The following ZFP1 variants were observed in gnomAD, a reference collection of about 807,000 sequenced individuals.
ZFP1 encodes the protein ZFP1 zinc finger protein.
Under a neutral mutation model 38.5 loss-of-function variants are expected in ZFP1, and 32 were observed. The observed-to-expected ratio is 0.83, with a 90% confidence interval of 0.63 to 1.12. The LOEUF is 1.12. Among genes scored for constraint, ZFP1 ranks in the 50% most tolerant of loss-of-function variants. ZFP1 has a pLI of 0.00. For synonymous variants in ZFP1, 245 were observed against 168.8 expected (o/e 1.45, Z -3.50); for missense variants, 616 against 480.8 (o/e 1.28, Z -2.63).
At chr16:75,136,388 G>T in the ZFP1 span, among the ~76,000 whole-genome samples, 1 of 152,310 alleles carries the variant, frequency 6.6e-6, no homozygotes, top group Admixed American at 6.5e-5. Context: ...GGCTATACAT[G>T]TATACTGGAA....
Position 75,166,972 on chromosome 16 carries a change from C to T in ZFP1, c.142+76C>T. On this transcript the variant is annotated intron_variant, in intron 3 of 3. Coordinates refer to ENST00000570010, the MANE Select transcript of ZFP1 (RefSeq NM_153688.4). ...TCCTGTCTCAGTGACCAGAAATGAG[C>T]TTCTGAATTACTAAATGTTTTTGGC... The T allele has an allele frequency of 2.6e-6, 4 of 1,539,546 alleles. No individual in the cohort carries two copies. The Admixed American group carries it at 6.3e-5, about 24-fold the overall frequency.
At chr16:75,134,612 C>T in the ZFP1 span, among the ~76,000 whole-genome samples, 1 of 151,612 alleles carries the variant, frequency 6.6e-6, no homozygotes, top group African/African-American at 2.4e-5. Context: ...ATTAGCCAGG[C>T]GTGGTGGCGG....
the ZFP1 span, among the ~76,000 whole-genome samples, chr16:75,128,878 C>A: frequency 2.6e-5 from 4 of 152,208 alleles, no homozygotes; most frequent in Non-Finnish European, 5.9e-5. Context: ...GCAACCTCCG[C>A]CTCCGGGGTT....
the ZFP1 span, among the ~76,000 whole-genome samples, chr16:75,128,321 T>TA: frequency 1.3e-5 from 2 of 152,218 alleles, no homozygotes. Context: ...AAAAAAGTCT[T>TA]ATCTGAGATT....
At position 75,170,179 on chromosome 16, in the gene ZFP1, T is replaced by A; in HGVS notation, c.1069T>A (p.Cys357Ser). 6.2e-7 allele frequency: 1 copy of A among 1,614,116 alleles called. No individual in the cohort carries two copies. Among genetic ancestry groups the A allele is most frequent in the East Asian group, 2.2e-5 (1 of 44,874 alleles). ...AGAGAAACCCTATGAATGTACTGAG[T>A]GCGGCAAAACTTTCAGCCAGAGGTC... ...TGEKPYECTECGKTFSQRSTL... is the reference protein window; with the variant it reads ...TGEKPYECTESGKTFSQRSTL... Residue 357 changes from cysteine (C) to serine (S), a missense_variant, in exon 4 of 4, where the codon TGC (cysteine) becomes AGC (serine). Transcript: ENST00000570010.
chr16:75,164,632 G>T (rs1004495234), intron 2 of ZFP1, among the ~76,000 whole-genome samples: 2 of 151,974 alleles, frequency 1.3e-5, no homozygotes, highest in African/African-American at 4.8e-5. Context: ...ATTCTAGATC[G>T]GGGGTGTCAA....
At chr16:75,164,712 A>G (rs1302111798) in intron 2 of ZFP1, among the ~76,000 whole-genome samples, 2 of 152,108 alleles carry the variant, frequency 1.3e-5, no homozygotes, top group East Asian at 1.9e-4. Context: ...AATGGTTTTT[A>G]ATTTTAATGG....
chr16:75,161,365 G>A (rs559514799), intron 2 of ZFP1, among the ~76,000 whole-genome samples: 1 of 151,652 alleles, frequency 6.6e-6, no homozygotes, highest in African/African-American at 2.4e-5. Flanking sequence ...CACTGCGCCC[G>A]GCCAACAACA....
chr16:75,159,645 G>A (rs1455821392), intron 2 of ZFP1, among the ~76,000 whole-genome samples: 1 of 151,574 alleles, frequency 6.6e-6, no homozygotes, highest in African/African-American at 2.4e-5. Flanking sequence ...GGCTCAATTT[G>A]TCCACCTGCC....
chr16:75,146,831 T>C (rs1466768388), upstream of ZFP1, among the ~76,000 whole-genome samples: 1 of 151,376 alleles, frequency 6.6e-6, no homozygotes, highest in East Asian at 1.9e-4. Flanking sequence ...TTTTAGCTAC[T>C]TGGGAGGCTG....
At chr16:75,122,605 C>A in the ZFP1 span, among the ~76,000 whole-genome samples, 10 of 152,338 alleles carry the variant, frequency 6.6e-5, no homozygotes, top group East Asian at 1.5e-3. Context: ...TTTAACAAAT[C>A]TTTAATAAAT....
chr16:75,125,613 G>A, the ZFP1 span, among the ~76,000 whole-genome samples: 549 of 152,154 alleles, frequency 3.6e-3, 3 homozygotes, highest in South Asian at 6.9e-3. Flanking sequence ...CTGAGCCACC[G>A]TGCCCAGCTG....
At chr16:75,133,820 G>A in the ZFP1 span, among the ~76,000 whole-genome samples, 2 of 152,108 alleles carry the variant, frequency 1.3e-5, no homozygotes. Flanking sequence ...AGGCTGAGGC[G>A]GGTGGATCAC....
chr16:75,132,607 T>C, the ZFP1 span: 42 of 151,508 alleles, frequency 2.8e-4, no homozygotes, highest in African/African-American at 9.2e-4. Context: ...TATGGAGCAT[T>C]CAAAATGTGG....
the ZFP1 span, among the ~76,000 whole-genome samples, chr16:75,123,412 C>T: frequency 2.7e-5 from 3 of 111,974 alleles, no homozygotes; most frequent in Admixed American, 9.7e-5. Flanking sequence ...TGTTTTCCTA[C>T]AAATATATAT....
the ZFP1 span, among the ~76,000 whole-genome samples, chr16:75,134,726 G>A: frequency 6.9e-6 from 1 of 144,320 alleles, no homozygotes; most frequent in Non-Finnish European, 1.5e-5. Context: ...ACTCCAGCCT[G>A]GGCAACACAG....
At chr16:75,165,330 C>T (rs769987772) in intron 2 of ZFP1, among the ~76,000 whole-genome samples, 1 of 152,104 alleles carries the variant, frequency 6.6e-6, no homozygotes, top group African/African-American at 2.4e-5. Flanking sequence ...CTTCTGACTT[C>T]CATTGTTTTT....
At chr16:75,161,774 A>ATATATATATATATATATATATT (rs1555523101) in intron 2 of ZFP1, among the ~76,000 whole-genome samples, 2 of 7,820 alleles carry the variant, frequency 2.6e-4, no homozygotes, top group Non-Finnish European at 2.8e-4. Flanking sequence ...ATATATATAT[A>ATATATATATATATATATATATT]TTTTTTTTTT....
chr16:75,142,083 C>T, the ZFP1 span, among the ~76,000 whole-genome samples: 12 of 147,580 alleles, frequency 8.1e-5, no homozygotes, highest in East Asian at 1.6e-3. Context: ...AGAGGCTGGG[C>T]GCGGTGGCTC....
Sources: gnomAD v4.1 joint callset for allele counts (sites outside exome capture counted in the v4.1 genomes callset) on GRCh38, gnomAD v4.1.1 for gene constraint, MANE v1.5 for transcripts, NCBI Gene and HGNC (gene_info 2026-07-23, HGNC 2026-07-21) for gene names.